The following COXFA4L3 variants were observed in gnomAD, a reference collection of about 807,000 sequenced individuals.
COXFA4L3 encodes cytochrome c oxidase associated subunit FA4L3, also known as MIR147B host.
At chr15:45,433,199 G>C in the COXFA4L3 span, 1 of 631,538 alleles carries the variant, frequency 1.6e-6, no homozygotes, top group Admixed American at 2.5e-5. Context: ...CTGTCTAAAA[G>C]TTTGTGCTTA....
chr15:45,431,785 A>G, the COXFA4L3 span, among the ~76,000 whole-genome samples: 84,269 of 151,914 alleles, frequency 0.55, 26,907 homozygotes, highest in African/African-American at 0.85. Flanking sequence ...TGGCAGTTTC[A>G]CTCCCATGGT....
chr15:45,431,029 TGGC>T, the COXFA4L3 span: 1 of 1,614,192 alleles, frequency 6.2e-7, no homozygotes, highest in Non-Finnish European at 8.5e-7. Flanking sequence ...TTCATGACTG[TGGC>T]GGCGGGTGGA....
chr15:45,430,613 T>C, the COXFA4L3 span: 2 of 614,568 alleles, frequency 3.3e-6, no homozygotes, highest in South Asian at 2.1e-5. Flanking sequence ...GCCCGTTCGG[T>C]TCCGGGCGTT....
At chr15:45,430,735 C>T in the COXFA4L3 span, 3 of 1,535,404 alleles carry the variant, frequency 2.0e-6, no homozygotes, top group East Asian at 2.3e-5. Context: ...TTGGCGCCCA[C>T]CAGGCGATCA....
chr15:45,431,650 G>T, the COXFA4L3 span, among the ~76,000 whole-genome samples: 2 of 152,192 alleles, frequency 1.3e-5, no homozygotes, highest in Non-Finnish European at 2.9e-5. Context: ...GGCTGGTGCA[G>T]GGCTGGAGAG....
chr15:45,432,872 A>G, the COXFA4L3 span: 4 of 1,271,370 alleles, frequency 3.1e-6, no homozygotes, highest in Non-Finnish European at 4.4e-6. Flanking sequence ...AGTGTGGACA[A>G]ATCCGAAAGA....
At chr15:45,432,445 A>G in the COXFA4L3 span, among the ~76,000 whole-genome samples, 1 of 152,348 alleles carries the variant, frequency 6.6e-6, no homozygotes, top group East Asian at 1.9e-4. Flanking sequence ...CGGGTGGATC[A>G]CTTGAAGTCA....
the COXFA4L3 span, chr15:45,431,282 GA>G: frequency 8.5e-4 from 306 of 359,822 alleles, no homozygotes; most frequent in Middle Eastern, 2.8e-3. Context: ...ATGAAAATTA[GA>G]AAAAAAAAAG....
chr15:45,432,020 G>A, the COXFA4L3 span: 1 of 1,501,252 alleles, frequency 6.7e-7, no homozygotes, highest in South Asian at 1.2e-5. Flanking sequence ...CAGTATCAGT[G>A]TTGGTTTAAA....
the COXFA4L3 span, chr15:45,431,932 G>A: frequency 0.03 from 20,248 of 679,096 alleles, 2,739 homozygotes; most frequent in African/African-American, 0.31. Context: ...AATTTTAGTT[G>A]CTACTGATGG....
the COXFA4L3 span, chr15:45,431,250 T>C: frequency 4.0e-6 from 2 of 498,500 alleles, no homozygotes; most frequent in South Asian, 3.5e-5. Flanking sequence ...TCTTATGATA[T>C]TGTCTACCAA....
the COXFA4L3 span, chr15:45,430,992 A>T: frequency 6.2e-7 from 1 of 1,613,152 alleles, no homozygotes; most frequent in South Asian, 1.1e-5. Flanking sequence ...TCCACCTGTT[A>T]TTTGTTAGCT....
At chr15:45,431,030 G>A in the COXFA4L3 span, 5 of 1,614,140 alleles carry the variant, frequency 3.1e-6, no homozygotes, top group Non-Finnish European at 4.2e-6. Context: ...TCATGACTGT[G>A]GCGGCGGGTG....
the COXFA4L3 span, chr15:45,430,913 G>A: frequency 3.8e-6 from 6 of 1,570,510 alleles, no homozygotes; most frequent in African/African-American, 2.7e-5. Flanking sequence ...TTTGAACAAA[G>A]TATAAAATAA....
the COXFA4L3 span, chr15:45,433,258 T>A: frequency 2.4e-6 from 1 of 421,608 alleles, no homozygotes; most frequent in Non-Finnish European, 4.4e-6. Flanking sequence ...GTTTATGATC[T>A]ATGAATGTTT....
chr15:45,432,226 AACT>A, the COXFA4L3 span: 1 of 984,426 alleles, frequency 1.0e-6, no homozygotes, highest in African/African-American at 1.7e-5. Context: ...CTTATTGTGT[AACT>A]TAGATCAATT....
the COXFA4L3 span, chr15:45,430,663 T>G: frequency 2.6e-6 from 2 of 755,100 alleles, no homozygotes; most frequent in East Asian, 5.3e-5. Flanking sequence ...CAGGTGAGTC[T>G]CCCATCTGCA....
At chr15:45,431,281 AG>A in the COXFA4L3 span, 1 of 433,012 alleles carries the variant, frequency 2.3e-6, no homozygotes, top group Non-Finnish European at 4.0e-6. Context: ...AATGAAAATT[AG>A]AAAAAAAAAA....
the COXFA4L3 span, chr15:45,431,196 G>A: frequency 3.7e-6 from 3 of 805,036 alleles, no homozygotes; most frequent in Non-Finnish European, 3.9e-6. Context: ...ATGCCAAATT[G>A]TGAACTGGGA....
Sources: allele counts gnomAD v4.1 joint callset (sites outside exome capture counted in the v4.1 genomes callset), GRCh38; gene constraint gnomAD v4.1.1; transcripts MANE v1.5; gene names NCBI Gene and HGNC (gene_info 2026-07-23, HGNC 2026-07-21).